Variants in MAML3 observed in about 807,000 individuals in gnomAD.
MAML3 encodes mastermind-like protein 3.
MAML3 carries 27 observed loss-of-function variants against 101.9 expected under a neutral mutation model. The observed-to-expected ratio is 0.27, with a 90% CI of 0.20 to 0.37. The LOEUF (loss-of-function observed/expected upper bound fraction) is 0.37, where lower values mean the gene tolerates loss of function less well. MAML3 is among the 10% of genes least tolerant of loss of function. The pLI is 1.00. For missense variants in MAML3, 1,316 were observed against 1,444.9 expected (o/e 0.91, Z 1.45); for synonymous variants, 501 against 555.9 (o/e 0.90, Z 1.39).
At chr4:139,853,189 T>G (rs1174694810) in intron 2 of MAML3, among the ~76,000 whole-genome samples, 1 of 152,188 alleles carries the variant, frequency 6.6e-6, no homozygotes, top group Non-Finnish European at 1.5e-5. Flanking sequence ...ACATACAGAC[T>G]AAGGACAGGC....
chr4:140,127,548 C>T lies in MAML3; in HGVS notation c.468+25312G>A, dbSNP rs535355636. 3.9e-5 allele frequency among the ~76,000 whole-genome samples: 6 copies of T among 152,298 alleles called. No individual in the cohort carries two copies. In the South Asian group the frequency reaches 1.2e-3, roughly 32 times the overall value. On this transcript the variant is annotated intron_variant, in intron 1 of 4. Transcript: ENST00000509479. ...AAGCTCGACTCTTCCATCTAACAAG[C>T]ACCACAAACCTAGAGTCATGCTCTA... is the stretch of plus-strand genomic sequence containing the variant.
chr4:139,880,111 T>C (rs1732190099), intron 2 of MAML3, among the ~76,000 whole-genome samples: 1 of 151,566 alleles, frequency 6.6e-6, no homozygotes, highest in African/African-American at 2.4e-5. Flanking sequence ...AGACAGAGGT[T>C]GCAGTGAGCC....
intron 1 of MAML3, among the ~76,000 whole-genome samples, chr4:140,126,424 G>C (rs1728687238): frequency 6.6e-6 from 1 of 152,092 alleles, no homozygotes; most frequent in South Asian, 2.1e-4. Flanking sequence ...CAGGAGACTG[G>C]TCCTTATCTC....
chr4:139,900,081 C>G (rs1732687529), intron 1 of MAML3, among the ~76,000 whole-genome samples: 1 of 152,082 alleles, frequency 6.6e-6, no homozygotes. Context: ...GGGGACAGAA[C>G]CACTCAAAAC....
In MAML3 at chr4:139,730,439, GC is replaced by G. The variant is rs1728654883; in HGVS notation, c.2307del (p.Gln769HisfsTer43). The G allele has an allele frequency of 1.0e-5, 16 of 1,531,942 alleles. No homozygotes were observed. The highest frequency in any genetic ancestry group is 1.4e-5 in the African/African-American group (1 of 72,664). 94.9% of individuals were successfully genotyped at this position (1,531,942 alleles called of 1,614,324 possible). A position where few individuals can be genotyped will look rare whatever the true frequency, so the allele number is the denominator to read the frequency against. ...LREQRQQQQQ[Q>X]QQQILAEQQL... ...ACCTGTTCCGCCAAAATCTGCTGCT[GC>G]TGCTGCTGCTGCTGCTGCCTTTGCT... is the stretch of plus-strand genomic sequence containing the variant. On this transcript the variant is annotated frameshift_variant, in exon 3 of 5. Transcript: ENST00000509479. LOFTEE classifies it high-confidence loss of function.
At chr4:139,767,750 G>A (rs1475953566) in intron 2 of MAML3, among the ~76,000 whole-genome samples, 2 of 152,242 alleles carry the variant, frequency 1.3e-5, no homozygotes, top group African/African-American at 4.8e-5. Context: ...AGATTAGCAT[G>A]AAAGTGCATG....
At chr4:140,025,976 A>G (rs1726816115) in intron 1 of MAML3, among the ~76,000 whole-genome samples, 3 of 152,184 alleles carry the variant, frequency 2.0e-5, no homozygotes. Flanking sequence ...CACTGTGGCT[A>G]TGTCATAATG....
At chr4:139,803,291 C>T (rs1158030712) in intron 2 of MAML3, among the ~76,000 whole-genome samples, 1 of 152,300 alleles carries the variant, frequency 6.6e-6, no homozygotes, top group African/African-American at 2.4e-5. Flanking sequence ...AAATGAAATG[C>T]AGTGCTGCTG....
In MAML3 at chr4:140,091,537, C is replaced by CAAAAAAAAAAAAAAAA. The variant is rs570700966; in HGVS notation, c.468+61322_468+61323insTTTTTTTTTTTTTTTT. On this transcript the variant is annotated intron_variant, in intron 1 of 4. Transcript: ENST00000509479. ...TGTAAAACAAAACAAAACAACAAAA[C>CAAAAAAAAAAAAAAAA]AAAAACAAAACAAAAAAAAAAAACA... is the stretch of plus-strand genomic sequence containing the variant. 3.2e-4 allele frequency among the ~76,000 whole-genome samples: 23 copies of CAAAAAAAAAAAAAAAA among 71,608 alleles called. 1 individual carries two copies. The highest frequency in any genetic ancestry group is 2.9e-3 in the South Asian group (4 of 1,374). 47.0% of individuals were successfully genotyped at this position (71,608 alleles called of 152,430 possible).
chr4:139,877,428 T>C (rs1732137674), intron 2 of MAML3, among the ~76,000 whole-genome samples: 1 of 152,130 alleles, frequency 6.6e-6, no homozygotes, highest in African/African-American at 2.4e-5. Flanking sequence ...CTTTAAAGCT[T>C]GGAACTGTTT....
chr4:140,133,665 T>C (rs1447052231), intron 1 of MAML3, among the ~76,000 whole-genome samples: 1 of 152,202 alleles, frequency 6.6e-6, no homozygotes, highest in Non-Finnish European at 1.5e-5. Context: ...ACAACGTAGC[T>C]ACATTTTCAG....
chr4:140,138,788 C>T (rs1467498754), intron 1 of MAML3, among the ~76,000 whole-genome samples: 1 of 152,168 alleles, frequency 6.6e-6, no homozygotes, highest in Admixed American at 6.6e-5. Context: ...CAGCTGGGGA[C>T]TCTGGCAGTA....
chr4:139,997,554 C>A (rs1734841185), intron 1 of MAML3, among the ~76,000 whole-genome samples: 1 of 151,920 alleles, frequency 6.6e-6, no homozygotes, highest in African/African-American at 2.4e-5. Context: ...TACTTTATAT[C>A]ATTTCATGTC....
At chr4:139,826,555 G>A (rs1264280063) in intron 2 of MAML3, among the ~76,000 whole-genome samples, 2 of 152,164 alleles carry the variant, frequency 1.3e-5, no homozygotes, top group East Asian at 1.9e-4. Flanking sequence ...ATCAATTGCT[G>A]AGGAATTGTC....
At chr4:139,914,699 G>A (rs1378473) in intron 1 of MAML3, among the ~76,000 whole-genome samples, 48,074 of 152,072 alleles carry the variant, frequency 0.32, 8,613 homozygotes, top group East Asian at 0.66. Context: ...TTAATTGGGA[G>A]AGAAAATGAT....
rs1161346762 is a variant in MAML3, at chr4:139,890,674, A to G, written c.762T>C (p.Leu254=). The G allele has an allele frequency of 1.2e-6, 2 of 1,613,868 alleles. No individual in the cohort carries two copies. Among genetic ancestry groups the G allele is most frequent in the African/African-American group, 2.7e-5 (2 of 74,930 alleles). ...SKNGRLPEIK[L]PVNGCSDLED... ...CCAGGTCACTGCAACCGTTGACAGG[A>G]AGTTTAATCTCAGGGAGCCTACCAT... The change falls in exon 2 of 5, where the codon CTT becomes CTC. Residue 254 remains leucine (L), a synonymous_variant. Coordinates refer to ENST00000509479, the MANE Select transcript of MAML3 (RefSeq NM_018717.5). The surrounding 1 kb of genome is among the most constrained non-coding windows in gnomAD (Gnocchi z 4.1).
At chr4:140,024,813 G>A (rs759211011) in intron 1 of MAML3, among the ~76,000 whole-genome samples, 1 of 152,188 alleles carries the variant, frequency 6.6e-6, no homozygotes, top group Admixed American at 6.5e-5. Flanking sequence ...GGTTAGAGAC[G>A]TGAAAACATA....
intron 1 of MAML3, among the ~76,000 whole-genome samples, chr4:140,058,516 C>A: frequency 6.6e-6 from 1 of 151,106 alleles, no homozygotes. Flanking sequence ...ATAAAATGAA[C>A]AATCACATAT....
At chr4:140,071,652 T>C (rs990350749) in intron 1 of MAML3, among the ~76,000 whole-genome samples, 3 of 140,264 alleles carry the variant, frequency 2.1e-5, no homozygotes, top group Non-Finnish European at 4.7e-5. Context: ...TCTCACAGTT[T>C]AAAAAAAAAA....
Sources: gnomAD v4.1 joint callset for allele counts (sites outside exome capture counted in the v4.1 genomes callset) on GRCh38, gnomAD v4.1.1 for gene constraint, Gnocchi (gnomAD v3.1) non-coding constraint, MANE v1.5 for transcripts, NCBI Gene and HGNC (gene_info 2026-07-23, HGNC 2026-07-21) for gene names.